ENOX2: variants seen among roughly 807,000 people sequenced by gnomAD.
ENOX2 encodes ecto-NOX disulfide-thiol exchanger 2.
A neutral mutation model predicts 45.0 loss-of-function variants in ENOX2; 36 were observed. The observed-to-expected ratio is 0.80, with a 90% CI of 0.61 to 1.06. ENOX2 has a LOEUF of 1.06. ENOX2 is among the 50% of genes least tolerant of loss of function. The pLI is 0.00. For missense variants in ENOX2, 423 were observed against 462.5 expected, an observed-to-expected ratio of 0.91 and a Z score of 0.78; for synonymous variants, 174 against 152.3, an observed-to-expected ratio of 1.14 and a Z score of -1.05.
intron 5 of ENOX2, among the ~76,000 whole-genome samples, chrX:130,688,174 GAA>G (rs1011796334): frequency 8.9e-6 from 1 of 111,866 alleles, no homozygotes; most frequent in Non-Finnish European, 1.9e-5. Flanking sequence ...AGTGCATCTG[GAA>G]AAAAAGTTTT....
At chrX:130,764,654 T>G (rs142113176) in intron 3 of ENOX2, among the ~76,000 whole-genome samples, 1 of 111,179 alleles carries the variant, frequency 9.0e-6, no homozygotes, top group Non-Finnish European at 1.9e-5. Flanking sequence ...CTCTAACAAC[T>G]GATTCATCAT....
At chrX:130,850,414 A>C (rs771910946) in intron 2 of ENOX2, among the ~76,000 whole-genome samples, 1 of 112,007 alleles carries the variant, frequency 8.9e-6, no homozygotes, top group Non-Finnish European at 1.9e-5. Context: ...TGTTCACTGA[A>C]ATTCAGCAAA....
chrX:130,737,538 T>C (rs1000479258), intron 3 of ENOX2, among the ~76,000 whole-genome samples: 2 of 112,238 alleles, frequency 1.8e-5, no homozygotes, highest in African/African-American at 6.5e-5. Context: ...AATCCTGCCA[T>C]CTAGAATATT....
rs145591344 is a variant in ENOX2 at position 130,752,814 on chromosome X, T to C, written c.-39+30733A>G. Among the ~76,000 whole-genome samples, 426 of 111,009 alleles carry C rather than the reference T, an allele frequency of 3.8e-3. 2 individuals carry two copies. Among genetic ancestry groups the C allele is most frequent in the African/African-American group, 0.013 (410 of 30,572 alleles). On this transcript the variant is annotated intron_variant, in intron 3 of 14. Coordinates refer to ENST00000394363, the MANE Select transcript of ENOX2 (RefSeq NM_006375.4). ...TCTGAGTGACTTTCACTGACTCTCT[T>C]TCTCTCGCTATCTCACTGTCTTTTC...
chrX:130,788,892 T>C (rs989682743), intron 2 of ENOX2, among the ~76,000 whole-genome samples: 1 of 112,474 alleles, frequency 8.9e-6, no homozygotes, highest in African/African-American at 3.2e-5. Context: ...CTACTATTTC[T>C]GTATCTCATG....
intron 2 of ENOX2, among the ~76,000 whole-genome samples, chrX:130,853,463 C>CAAAAAAAA (rs754949787): frequency 3.0e-3 from 81 of 27,210 alleles, no homozygotes; most frequent in Non-Finnish European, 3.9e-3. Flanking sequence ...GACTCCGTCT[C>CAAAAAAAA]AAAAAAAAAA....
intron 3 of ENOX2, among the ~76,000 whole-genome samples, chrX:130,707,105 T>C (rs1440484041): frequency 8.9e-6 from 1 of 112,407 alleles, no homozygotes; most frequent in Admixed American, 9.4e-5. Context: ...AATGGACATC[T>C]AGTAATTTTC....
At chrX:130,761,709 C>G (rs1490639208) in intron 3 of ENOX2, among the ~76,000 whole-genome samples, 1 of 110,478 alleles carries the variant, frequency 9.1e-6, no homozygotes, top group African/African-American at 3.3e-5. Context: ...AGGGCTGGGG[C>G]AGGGGGAGGT....
chrX:130,800,261 A>G (rs5977374), intron 2 of ENOX2, among the ~76,000 whole-genome samples: 5,388 of 110,398 alleles, frequency 0.049, 308 homozygotes, highest in African/African-American at 0.17. Context: ...GTACACATAA[A>G]AGCAAGCAAA....
intron 3 of ENOX2, among the ~76,000 whole-genome samples, chrX:130,735,214 C>T (rs1438747893): frequency 1.8e-5 from 2 of 112,095 alleles, no homozygotes. Flanking sequence ...TTCTGGCTGC[C>T]AGCTCTATTA....
intron 5 of ENOX2, among the ~76,000 whole-genome samples, chrX:130,682,796 T>C (rs1474157947): frequency 3.6e-5 from 4 of 110,343 alleles, no homozygotes; most frequent in Non-Finnish European, 7.6e-5. Flanking sequence ...TTTAGGGGTA[T>C]GCCACCAAGC....
intron 2 of ENOX2, among the ~76,000 whole-genome samples, chrX:130,832,643 C>A (rs1414443115): frequency 1.8e-5 from 2 of 111,471 alleles, no homozygotes; most frequent in East Asian, 5.6e-4. Context: ...ACAGGAAGCA[C>A]AAGGTTGCCA....
chrX:130,635,883 G>A (rs777939970), intron 11 of ENOX2, among the ~76,000 whole-genome samples: 1 of 112,314 alleles, frequency 8.9e-6, no homozygotes, highest in Non-Finnish European at 1.9e-5. Context: ...ATCAAAATGA[G>A]TGAAATTATT....
Position 130,677,979 on chromosome X carries a change from C to T in ENOX2, c.460+1563G>A, listed in dbSNP as rs184688472. Among the ~76,000 whole-genome samples, 5 of 108,612 alleles carry T rather than the reference C, an allele frequency of 4.6e-5. No homozygotes were observed. The East Asian group carries it at 8.7e-4, about 19-fold the overall frequency. The allele number at this position is 108,612 out of a possible 115,157, so 94.3% of individuals were successfully genotyped here. A position where few individuals can be genotyped will look rare whatever the true frequency, so the allele number is the denominator to read the frequency against. ...GCAGGCGCCTGTAATCCCACCTACT[C>T]GGGAGGCTGAGGCAGGAGAATTGCT... On this transcript the variant is annotated intron_variant, in intron 6 of 14. Transcript: ENST00000394363.
chrX:130,857,842 A>C (rs962640446), intron 2 of ENOX2, among the ~76,000 whole-genome samples: 2 of 112,023 alleles, frequency 1.8e-5, no homozygotes, highest in Non-Finnish European at 3.8e-5. Flanking sequence ...TATTCCTTTA[A>C]ACAGCAAAAT....
intron 6 of ENOX2, among the ~76,000 whole-genome samples, chrX:130,673,659 A>G (rs1461873432): frequency 3.6e-5 from 4 of 112,093 alleles, no homozygotes; most frequent in African/African-American, 9.7e-5. Context: ...ACAATGAATA[A>G]AGCCTTTGAG....
chrX:130,791,466 A>G (rs758837593), intron 2 of ENOX2, among the ~76,000 whole-genome samples: 60 of 112,133 alleles, frequency 5.4e-4, no homozygotes, highest in South Asian at 1.5e-3. Context: ...CGATTTTTCA[A>G]CTTTATGATG....
chrX:130,729,221 T>TA (rs2038678239), intron 3 of ENOX2, among the ~76,000 whole-genome samples: 2 of 112,061 alleles, frequency 1.8e-5, no homozygotes, highest in African/African-American at 6.5e-5. Context: ...TTTCTTTGCT[T>TA]AAAATTTTGC....
intron 2 of ENOX2, among the ~76,000 whole-genome samples, chrX:130,858,364 C>T (rs755160774): frequency 2.7e-5 from 3 of 110,299 alleles, no homozygotes; most frequent in South Asian, 3.9e-4. Context: ...GTGATCCGCC[C>T]GCCTCCGCCT....
Sources: allele counts gnomAD v4.1 joint callset (sites outside exome capture counted in the v4.1 genomes callset), GRCh38; gene constraint gnomAD v4.1.1; transcripts MANE v1.5; gene names NCBI Gene and HGNC (gene_info 2026-07-23, HGNC 2026-07-21).